MGAT4C: variants seen among roughly 807,000 people sequenced by gnomAD.
The protein encoded by MGAT4C is MGAT4 family member C, also known as alpha-1,3-mannosyl-glycoprotein 4-beta-N-acetylglucosaminyltransferase C.
MGAT4C carries 19 observed loss-of-function variants against 40.1 expected under a neutral mutation model. The ratio of observed to expected loss-of-function variants is 0.47; its 90% confidence interval spans 0.33 to 0.70. The LOEUF (loss-of-function observed/expected upper bound fraction) is 0.70, where lower values mean the gene tolerates loss of function less well. Among genes scored for constraint, MGAT4C ranks in the 30% least tolerant of loss-of-function variants. MGAT4C has a pLI of 0.02. For missense variants in MGAT4C, 491 were observed against 563.2 expected (o/e 0.87, Z 1.30); for synonymous variants, 181 against 187.1 (o/e 0.97, Z 0.27).
chr12:86,567,721 A>C (rs1169247574), intron 2 of MGAT4C, among the ~76,000 whole-genome samples: 1 of 152,230 alleles, frequency 6.6e-6, no homozygotes, highest in Non-Finnish European at 1.5e-5. Context: ...GAAGGTGGTC[A>C]TCAATACCAG....
chr12:86,404,913 A>G (rs1185552518), intron 3 of MGAT4C, among the ~76,000 whole-genome samples: 1 of 152,104 alleles, frequency 6.6e-6, no homozygotes, highest in East Asian at 1.9e-4. Flanking sequence ...TGAGATAGGA[A>G]AGTAATAATT....
chr12:86,821,732 C>G (rs1026407237), intron 1 of MGAT4C, among the ~76,000 whole-genome samples: 1 of 150,792 alleles, frequency 6.6e-6, no homozygotes, highest in East Asian at 1.9e-4. Context: ...AAAATATCAG[C>G]CACGGTTTGG....
In MGAT4C at chr12:86,037,455, C is replaced by T. The variant is rs932750197; in HGVS notation, c.-7+12219G>A. On this transcript the variant is annotated intron_variant, in intron 2 of 4. Coordinates refer to ENST00000611864, the MANE Select transcript of MGAT4C (RefSeq NM_001351288.2). The stretch of plus-strand genomic sequence containing the variant: ...GCTATAAATTTCCCTCTACACACTG[C>T]TTTAAATGTGTCCCAGAGATTCTGG... Among the ~76,000 whole-genome samples, 5 of 150,140 alleles carry T rather than the reference C, an allele frequency of 3.3e-5. 1 individual carries two copies. Among genetic ancestry groups the T allele is most frequent in the Non-Finnish European group, 7.5e-5 (5 of 66,950 alleles).
At chr12:86,677,746 C>T (rs1319482750) in intron 2 of MGAT4C, among the ~76,000 whole-genome samples, 1 of 151,960 alleles carries the variant, frequency 6.6e-6, no homozygotes, top group Non-Finnish European at 1.5e-5. Flanking sequence ...GACTAAATAG[C>T]TGAGGGAAAT....
intron 2 of MGAT4C, among the ~76,000 whole-genome samples, chr12:85,999,439 T>C (rs2136765037): frequency 6.6e-6 from 1 of 152,248 alleles, no homozygotes; most frequent in South Asian, 2.1e-4. Flanking sequence ...TGGATATATA[T>C]CCAAAGGAAG....
chr12:86,822,396 T>C (rs754852502), intron 1 of MGAT4C, among the ~76,000 whole-genome samples: 4 of 150,998 alleles, frequency 2.6e-5, no homozygotes, highest in Non-Finnish European at 5.9e-5. Flanking sequence ...AATCAAAACA[T>C]ACAGAGTGAC....
intron 2 of MGAT4C, among the ~76,000 whole-genome samples, chr12:86,437,900 T>A (rs1435511324): frequency 6.6e-6 from 1 of 151,904 alleles, no homozygotes; most frequent in Non-Finnish European, 1.5e-5. Flanking sequence ...TCTTTCTTCT[T>A]CTACTAGAGA....
intron 2 of MGAT4C, among the ~76,000 whole-genome samples, chr12:86,501,785 A>C (rs1193365668): frequency 1.3e-5 from 2 of 152,008 alleles, no homozygotes; most frequent in East Asian, 1.9e-4. Context: ...TGCTATTGTG[A>C]ATAGTGCTGC....
rs992621584 is a variant in MGAT4C at position 85,972,968 on chromosome 12, T to C, written c.*6321A>G. Reference sequence around the variant, plus strand: ...TGGAGAAAAGAGGCATGTACTACCTTAAACATTTTCCAATTGGAACATACT... The same window carrying C: ...TGGAGAAAAGAGGCATGTACTACCTCAAACATTTTCCAATTGGAACATACT... On this transcript the variant is annotated 3_prime_UTR_variant, in exon 5 of 5. Coordinates refer to ENST00000611864, the MANE Select transcript of MGAT4C (RefSeq NM_001351288.2). 3 of 150,946 alleles carry C rather than the reference T, an allele frequency of 2.0e-5. No homozygotes were observed. Among genetic ancestry groups the C allele is most frequent in the African/African-American group, 7.3e-5 (3 of 41,340 alleles). The allele number at this position is 150,946 out of a possible 1,614,324, so 9.4% of individuals were successfully genotyped here.
chr12:86,368,973 GTT>G (rs1275730984), intron 3 of MGAT4C, among the ~76,000 whole-genome samples: 2 of 151,824 alleles, frequency 1.3e-5, no homozygotes, highest in African/African-American at 4.8e-5. Context: ...GGGTATTGAA[GTT>G]TCCTACTAGT....
chr12:86,044,300 G>T (rs187026903), intron 2 of MGAT4C, among the ~76,000 whole-genome samples: 1 of 152,292 alleles, frequency 6.6e-6, no homozygotes, highest in East Asian at 1.9e-4. Context: ...CATGGATGGT[G>T]CCAGCCAAAG....
chr12:86,224,413 G>GA (rs1161506793), intron 1 of MGAT4C, among the ~76,000 whole-genome samples: 5 of 151,224 alleles, frequency 3.3e-5, no homozygotes, highest in Middle Eastern at 6.8e-3. Context: ...GAAAATCAAT[G>GA]AAAAAAAAGG....
intron 1 of MGAT4C, among the ~76,000 whole-genome samples, chr12:86,826,750 C>A (rs1245013082): frequency 6.6e-6 from 1 of 151,304 alleles, no homozygotes; most frequent in Non-Finnish European, 1.5e-5. Context: ...CACTCTTCTA[C>A]TCCTCCTAGG....
intron 2 of MGAT4C, among the ~76,000 whole-genome samples, chr12:86,553,717 T>A (rs1463428943): frequency 6.6e-6 from 1 of 152,148 alleles, no homozygotes; most frequent in Admixed American, 6.5e-5. Context: ...ACTTTAAGAA[T>A]ACAGTGACAT....
intron 2 of MGAT4C, among the ~76,000 whole-genome samples, chr12:86,642,315 T>C (rs572301680): frequency 6.6e-6 from 1 of 151,844 alleles, no homozygotes; most frequent in Non-Finnish European, 1.5e-5. Flanking sequence ...TGTGCATAAA[T>C]CTACATGGCT....
chr12:86,195,673 G>C (rs1949774945), intron 1 of MGAT4C, among the ~76,000 whole-genome samples: 1 of 152,022 alleles, frequency 6.6e-6, no homozygotes, highest in Non-Finnish European at 1.5e-5. Context: ...TAATATATTA[G>C]AGAATTATAA....
chr12:86,638,300 G>C (rs993827921), intron 2 of MGAT4C, among the ~76,000 whole-genome samples: 1 of 151,806 alleles, frequency 6.6e-6, no homozygotes, highest in African/African-American at 2.4e-5. Flanking sequence ...TTTCCTATGA[G>C]AAAGGCTTTT....
At chr12:86,187,139 C>T (rs1566111212) in intron 1 of MGAT4C, among the ~76,000 whole-genome samples, 1 of 151,970 alleles carries the variant, frequency 6.6e-6, no homozygotes, top group Non-Finnish European at 1.5e-5. Context: ...GATGTGATTC[C>T]TGACATTCTA....
intron 3 of MGAT4C, among the ~76,000 whole-genome samples, chr12:86,409,145 T>G (rs542903813): frequency 1.4e-4 from 22 of 152,298 alleles, no homozygotes; most frequent in African/African-American, 4.6e-4. Flanking sequence ...TCTATTTAGC[T>G]ACTTTATATC....
Sources: gnomAD v4.1 joint callset for allele counts (sites outside exome capture counted in the v4.1 genomes callset) on GRCh38, gnomAD v4.1.1 for gene constraint, MANE v1.5 for transcripts, NCBI Gene and HGNC (gene_info 2026-07-23, HGNC 2026-07-21) for gene names.